PDCD4: variants seen among roughly 807,000 people sequenced by gnomAD.
PDCD4 encodes programmed cell death 4.
PDCD4 carries 56 observed loss-of-function variants against 54.0 expected under a neutral mutation model. The observed-to-expected ratio is 1.04, with a 90% CI of 0.84 to 1.30. The LOEUF is 1.30. Among genes scored for constraint, PDCD4 ranks in the 50% most tolerant of loss-of-function variants. PDCD4 has a pLI of 0.00. For synonymous variants in PDCD4, 186 were observed against 194.8 expected, an observed-to-expected ratio of 0.95 and a Z score of 0.37; for missense variants, 584 against 559.8, an observed-to-expected ratio of 1.04 and a Z score of -0.44.
chr10:110,890,049 A>C (rs1204951389), intron 7 of PDCD4, among the ~76,000 whole-genome samples: 1 of 152,210 alleles, frequency 6.6e-6, no homozygotes, highest in East Asian at 1.9e-4. Flanking sequence ...CTTAGTCAGA[A>C]AGTATCTTTT....
Position 110,894,532 on chromosome 10 carries a change from A to T in PDCD4, c.1209+10A>T. The T allele has an allele frequency of 8.6e-7, 1 of 1,157,086 alleles. No individual in the cohort carries two copies. The highest frequency in any genetic ancestry group is 1.3e-5 in the South Asian group (1 of 78,750). 71.7% of individuals were successfully genotyped at this position (1,157,086 alleles called of 1,614,324 possible). A position where few individuals can be genotyped will look rare whatever the true frequency, so the allele number is the denominator to read the frequency against. ...AGACCAAATGAAAAGAGTAAGTATA[A>T]CATTGTTTTTGAACAACTTGTAGGA... On this transcript the variant is annotated intron_variant, in intron 10 of 11. Transcript: ENST00000280154.
At chr10:110,886,397 C>T (rs1303383574) in intron 5 of PDCD4, among the ~76,000 whole-genome samples, 1 of 152,008 alleles carries the variant, frequency 6.6e-6, no homozygotes, top group Non-Finnish European at 1.5e-5. Flanking sequence ...GATAGTTTTC[C>T]AGGAAAGAGG....
chr10:110,877,847 T>C (rs926056114), intron 2 of PDCD4, among the ~76,000 whole-genome samples: 1 of 152,240 alleles, frequency 6.6e-6, no homozygotes, highest in East Asian at 1.9e-4. Flanking sequence ...AAAATTGGGA[T>C]ATAAATACCC....
At chr10:110,873,135 A>G (rs1845447826) in intron 1 of PDCD4, among the ~76,000 whole-genome samples, 1 of 152,216 alleles carries the variant, frequency 6.6e-6, no homozygotes, top group South Asian at 2.1e-4. Context: ...TTCCTTCATT[A>G]TAGGCTTATT....
At chr10:110,896,407 T>A (rs1845832908) in intron 11 of PDCD4, among the ~76,000 whole-genome samples, 1 of 152,192 alleles carries the variant, frequency 6.6e-6, no homozygotes, top group South Asian at 2.1e-4. Flanking sequence ...GTACTTTTTC[T>A]AAGGTCACAT....
At chr10:110,886,994 C>A (rs1807154751) in intron 5 of PDCD4, among the ~76,000 whole-genome samples, 1 of 152,030 alleles carries the variant, frequency 6.6e-6, no homozygotes, top group South Asian at 2.1e-4. Flanking sequence ...AATTTTTCCA[C>A]AAATTCTCAT....
Position 110,882,985 on chromosome 10 carries a change from A to T in PDCD4, c.347-18A>T. ...ATGAATTTTGTGTTTTTTCTTTCTC[A>T]ATGCTAAACTTTTTCAGGTGGTGCA... On this transcript the variant is annotated intron_variant, in intron 3 of 11. Transcript: ENST00000280154. The T allele has an allele frequency of 6.7e-7, 1 of 1,492,738 alleles. No homozygotes were observed. Among genetic ancestry groups the T allele is most frequent in the Non-Finnish European group, 9.3e-7 (1 of 1,077,032 alleles). 92.5% of individuals were successfully genotyped at this position (1,492,738 alleles called of 1,614,324 possible). A position where few individuals can be genotyped will look rare whatever the true frequency, so the allele number is the denominator to read the frequency against.
intron 9 of PDCD4, 40 bp downstream of exon 9, chr10:110,894,238 T>C: frequency 6.9e-6 from 8 of 1,167,318 alleles, no homozygotes; most frequent in African/African-American, 1.5e-5. Context: ...TTATTAAGTG[T>C]TCCTTTTTGT....
At chr10:110,872,263 C>T (rs1281614385) in intron 1 of PDCD4, 1 of 152,402 alleles carries the variant, frequency 6.6e-6, no homozygotes, top group Non-Finnish European at 1.5e-5. Flanking sequence ...TGAGCCCAGC[C>T]TGGAGCGTGT....
chr10:110,872,898 C>T (rs1310418584), intron 1 of PDCD4, among the ~76,000 whole-genome samples: 1 of 152,110 alleles, frequency 6.6e-6, no homozygotes, highest in African/African-American at 2.4e-5. Flanking sequence ...AATTTCGCCC[C>T]CCTCCCCCTT....
At chr10:110,892,462 A>G (rs1302699170) in intron 8 of PDCD4, among the ~76,000 whole-genome samples, 1 of 152,256 alleles carries the variant, frequency 6.6e-6, no homozygotes, top group Non-Finnish European at 1.5e-5. Context: ...TTAGAAATGT[A>G]TAAATGTATT....
rs1232670290 is a variant in PDCD4, at chr10:110,894,182, A to G, written c.1082A>G (p.His361Arg). Reference protein sequence around the residue: ...LKELEVPHFHHELVYEAIIMV... With the variant: ...LKELEVPHFHRELVYEAIIMV... ...GAACTGGAAGTACCTCATTTTCACCATGAGCTTGTATATGAAGTAAGATTA... is the reference window on the plus strand; with the variant it reads ...GAACTGGAAGTACCTCATTTTCACCGTGAGCTTGTATATGAAGTAAGATTA... The change falls in exon 9 of 12, where the codon CAT becomes CGT. Residue 361 changes from histidine (H) to arginine (R), a missense_variant. By Grantham distance (29) the His-to-Arg change is conservative (BLOSUM62 0). Transcript: ENST00000280154. The G allele has an allele frequency of 7.0e-6, 11 of 1,581,166 alleles. No individual in the cohort carries two copies. Among genetic ancestry groups the G allele is most frequent in the Non-Finnish European group, 9.6e-6 (11 of 1,150,492 alleles).
In PDCD4 at chr10:110,887,739, G is replaced by A. The variant is rs1845689947; in HGVS notation, c.630G>A (p.Glu210=). Residue 210 remains glutamate, a synonymous_variant, in exon 6 of 12, where the codon GAG becomes GAA. Coordinates refer to ENST00000280154, the MANE Select transcript of PDCD4 (RefSeq NM_014456.5). The stretch of plus-strand genomic sequence containing the variant: ...TGTTGGCAGTATCCTTAGCATTGGA[G>A]GGGAAGGCTAGTCATAGAGAGATGA... The part of the protein sequence containing the change: ...VPVLAVSLAL[E]GKASHREMTS... 6.2e-7 allele frequency: 1 copy of A among 1,613,276 alleles called. No individual in the cohort carries two copies. The highest frequency in any genetic ancestry group is 1.7e-5 in the Admixed American group (1 of 59,994).
chr10:110,897,979 T>G (rs989039108), intron 11 of PDCD4, 49 bp from the exon 12 acceptor site: 4 of 1,322,418 alleles, frequency 3.0e-6, no homozygotes, highest in African/African-American at 3.0e-5. Context: ...ATATTGACTA[T>G]AGTCAGAATT....
At chr10:110,876,993 T>C (rs922388535) in intron 2 of PDCD4, among the ~76,000 whole-genome samples, 3 of 152,206 alleles carry the variant, frequency 2.0e-5, no homozygotes, top group East Asian at 1.9e-4. Flanking sequence ...TTGTTTACAA[T>C]GTACATAGTT....
Position 110,895,978 on chromosome 10 carries a change from G to A in PDCD4, c.1240G>A (p.Asp414Asn), listed in dbSNP as rs1365873367. 6.2e-7 allele frequency: 1 copy of A among 1,604,344 alleles called. No individual in the cohort carries two copies. The change falls in exon 11 of 12, where the codon GAC (aspartate) becomes AAC (asparagine). Residue 414 changes from aspartate (D) to asparagine (N), a missense_variant. Asp to Asn is a conservative substitution (Grantham distance 23). Coordinates refer to ENST00000280154, the MANE Select transcript of PDCD4 (RefSeq NM_014456.5). ...TGAGAGAATTTACAATGAAATTCCGGACATTAATCTGGATGTCCCACATTC... is the reference window on the plus strand; with the variant it reads ...TGAGAGAATTTACAATGAAATTCCGAACATTAATCTGGATGTCCCACATTC... The part of the protein sequence containing the change: ...GYERIYNEIP[D>N]INLDVPHSYS...
In PDCD4 at chr10:110,875,949, T is replaced by G; in HGVS notation, c.-62-17T>G. On this transcript the variant is annotated splice_polypyrimidine_tract_variant and intron_variant, in intron 1 of 11. Transcript: ENST00000280154. ...TAAAAGATCTTGAAGCTTTCTTTTT[T>G]TCTTTTAAAAAAACAGATTCTGAAG... 8.5e-7 allele frequency: 1 copy of G among 1,180,194 alleles called. No individual in the cohort carries two copies. The highest frequency in any genetic ancestry group is 2.3e-5 in the Admixed American group (1 of 43,718). 73.1% of individuals were successfully genotyped at this position (1,180,194 alleles called of 1,614,324 possible).
At position 110,887,704 on chromosome 10, in the gene PDCD4, G is replaced by T; in HGVS notation, c.595G>T (p.Gly199Ter). Residue 199 changes from glycine (G) to a stop codon, truncating the protein, a stop_gained, in exon 6 of 12, where the codon GGA becomes TGA. Coordinates refer to ENST00000280154, the MANE Select transcript of PDCD4 (RefSeq NM_014456.5). LOFTEE classifies it high-confidence loss of function. ...RDLNLGEMKS[G>*]VPVLAVSLAL... ...TTTAAATCTTGGTGAAATGAAAAGT[G>T]GAGTACCAGTGTTGGCAGTATCCTT... The T allele has an allele frequency of 1.2e-6, 2 of 1,613,062 alleles. No homozygotes were observed. Among genetic ancestry groups the T allele is most frequent in the Non-Finnish European group, 1.7e-6 (2 of 1,179,146 alleles).
intron 6 of PDCD4, among the ~76,000 whole-genome samples, chr10:110,889,221 C>CAAAAAAAA (rs34424151): frequency 1.4e-5 from 1 of 70,450 alleles, no homozygotes; most frequent in Non-Finnish European, 2.8e-5. Context: ...GACTCTGTCT[C>CAAAAAAAA]AAAAAAAAAA....
Sources: gnomAD v4.1 joint callset for allele counts (sites outside exome capture counted in the v4.1 genomes callset) on GRCh38, gnomAD v4.1.1 for gene constraint, MANE v1.5 for transcripts, NCBI Gene and HGNC (gene_info 2026-07-23, HGNC 2026-07-21) for gene names.